Variants in SUCLG2 observed in about 807,000 individuals in gnomAD.
SUCLG2 encodes succinate--CoA ligase [GDP-forming] subunit beta, mitochondrial.
Under a neutral mutation model 47.9 loss-of-function variants are expected in SUCLG2, and 42 were observed. The ratio of observed to expected loss-of-function variants is 0.88; its 90% CI spans 0.69 to 1.14. The LOEUF is 1.14. SUCLG2 is among the 50% of genes most tolerant of loss of function. The pLI is 0.00. For synonymous variants in SUCLG2, 195 were observed against 197.3 expected (o/e 0.99, Z 0.10); for missense variants, 571 against 525.9 (o/e 1.09, Z -0.84).
chr3:67,458,775 T>C (rs1449343070), intron 9 of SUCLG2, among the ~76,000 whole-genome samples: 5 of 152,158 alleles, frequency 3.3e-5, no homozygotes, highest in Non-Finnish European at 7.4e-5. Flanking sequence ...ATTAAAACAC[T>C]CCAAGTATGC....
In SUCLG2 at chr3:67,524,573, GATGTGTATAA is replaced by G. The variant is rs1308105804; in HGVS notation, c.417+3549_417+3558del. Among the ~76,000 whole-genome samples the G allele has an allele frequency of 5.3e-5, 8 of 152,252 alleles. No homozygotes were observed. In the East Asian group the frequency reaches 1.5e-3, roughly 29 times the overall value. On this transcript the variant is annotated intron_variant, in intron 4 of 10. Coordinates refer to ENST00000307227, the MANE Select transcript of SUCLG2 (RefSeq NM_003848.4). ...GCACAGACTTAGAAAACAAATATCT[GATGTGTATAA>G]ATGTGTGTATGTGTTTAAATAGCTT...
intron 9 of SUCLG2, among the ~76,000 whole-genome samples, chr3:67,409,366 A>T (rs755673962): frequency 1.3e-5 from 2 of 152,170 alleles, no homozygotes; most frequent in African/African-American, 2.4e-5. Context: ...GGCCATAAAA[A>T]TTCTAATGGT....
intron 2 of SUCLG2, among the ~76,000 whole-genome samples, chr3:67,573,919 A>G (rs564480983): frequency 2.6e-5 from 4 of 152,314 alleles, no homozygotes; most frequent in South Asian, 2.1e-4. Flanking sequence ...CAGCAGGGCT[A>G]CATTTTTTCC....
intron 1 of SUCLG2, among the ~76,000 whole-genome samples, chr3:67,623,641 A>G (rs55811928): frequency 0.057 from 8,717 of 152,270 alleles, 340 homozygotes; most frequent in African/African-American, 0.11. Flanking sequence ...GCCCAACTAC[A>G]CCATCAGAGC....
intron 2 of SUCLG2, among the ~76,000 whole-genome samples, chr3:67,572,680 G>A (rs1461235170): frequency 3.3e-5 from 5 of 152,086 alleles, no homozygotes; most frequent in Admixed American, 1.3e-4. Flanking sequence ...CAGACTACAG[G>A]TTAAAACAGC....
chr3:67,392,260 A>C (rs11922554), intron 10 of SUCLG2, among the ~76,000 whole-genome samples: 16,755 of 151,746 alleles, frequency 0.11, 1,167 homozygotes, highest in African/African-American at 0.2. Flanking sequence ...CATCCTCTCC[A>C]CCTTTTCCCT....
At chr3:67,509,055 T>A in intron 6 of SUCLG2, 152 bp from the exon 7 acceptor site, 1 of 604,206 alleles carries the variant, frequency 1.7e-6, no homozygotes, top group Non-Finnish European at 2.9e-6. Context: ...TTATTTTAAT[T>A]TCCACTGCTA....
chr3:67,444,009 G>A (rs1174031250), intron 9 of SUCLG2, among the ~76,000 whole-genome samples: 1 of 124,064 alleles, frequency 8.1e-6, no homozygotes, highest in Non-Finnish European at 1.8e-5. Flanking sequence ...CGGGAGGGAG[G>A]TGGGGGGGTC....
chr3:67,409,100 T>C, intron 9 of SUCLG2: 1 of 729,086 alleles, frequency 1.4e-6, no homozygotes. Context: ...GTTTTAGTTC[T>C]TTACAATACA....
chr3:67,429,752 A>C (rs1320271980), intron 9 of SUCLG2, among the ~76,000 whole-genome samples: 4 of 152,200 alleles, frequency 2.6e-5, no homozygotes, highest in African/African-American at 2.4e-5. Context: ...GGGATGGAGG[A>C]AGATCTACCA....
At chr3:67,597,739 AC>A (rs964858678) in intron 2 of SUCLG2, among the ~76,000 whole-genome samples, 5 of 152,000 alleles carry the variant, frequency 3.3e-5, no homozygotes, top group African/African-American at 7.2e-5. Flanking sequence ...GGAGTTCGAG[AC>A]CAGCCTGGCC....
chr3:67,437,160 C>A (rs1703645260), intron 9 of SUCLG2, among the ~76,000 whole-genome samples: 1 of 152,038 alleles, frequency 6.6e-6, no homozygotes, highest in South Asian at 2.1e-4. Flanking sequence ...ACAGAGAGAG[C>A]AAGCAGCAGC....
At chr3:67,552,245 ACCTTT>A (rs1707036086) in intron 2 of SUCLG2, among the ~76,000 whole-genome samples, 1 of 151,884 alleles carries the variant, frequency 6.6e-6, no homozygotes, top group Non-Finnish European at 1.5e-5. Context: ...CAAAACAAAA[ACCTTT>A]CCTTTCAAGC....
chr3:67,594,812 C>CTT (rs1708256302), intron 2 of SUCLG2, among the ~76,000 whole-genome samples: 1 of 152,144 alleles, frequency 6.6e-6, no homozygotes, highest in South Asian at 2.1e-4. Context: ...CTATAGATGA[C>CTT]TTTTAGCAAT....
chr3:67,531,902 A>G (rs755934634), intron 2 of SUCLG2, among the ~76,000 whole-genome samples: 1 of 152,192 alleles, frequency 6.6e-6, no homozygotes, highest in Non-Finnish European at 1.5e-5. Context: ...ATTGATTCAC[A>G]TGTACTAAAT....
intron 10 of SUCLG2, among the ~76,000 whole-genome samples, chr3:67,389,445 T>A (rs1421788294): frequency 6.6e-6 from 1 of 152,170 alleles, no homozygotes; most frequent in Non-Finnish European, 1.5e-5. Flanking sequence ...TGCAGAACTG[T>A]GGTTTTCAAA....
chr3:67,377,390 G>A (rs759440507), intron 10 of SUCLG2, among the ~76,000 whole-genome samples: 3 of 152,314 alleles, frequency 2.0e-5, no homozygotes, highest in Admixed American at 6.5e-5. Context: ...TGGCAGGCCT[G>A]GCTGGCTTTG....
intron 2 of SUCLG2, among the ~76,000 whole-genome samples, chr3:67,569,060 G>C (rs895234626): frequency 7.9e-5 from 12 of 152,066 alleles, no homozygotes; most frequent in Non-Finnish European, 1.5e-4. Context: ...GAGCTTTTCA[G>C]TTATGATCCC....
chr3:67,399,314 T>C (rs1702630365), intron 10 of SUCLG2, among the ~76,000 whole-genome samples: 3 of 152,330 alleles, frequency 2.0e-5, no homozygotes, highest in Middle Eastern at 3.4e-3. Context: ...TGAGGAAAAG[T>C]GTTCGTGCAA....
Sources: allele counts gnomAD v4.1 joint callset (sites outside exome capture counted in the v4.1 genomes callset), GRCh38; gene constraint gnomAD v4.1.1; transcripts MANE v1.5; gene names NCBI Gene and HGNC (gene_info 2026-07-23, HGNC 2026-07-21).